RBM27: variants seen among roughly 807,000 people sequenced by gnomAD.
RBM27 encodes the protein RNA binding motif protein 27, also known as RNA-binding protein 27.
Under a neutral mutation model 135.3 loss-of-function variants are expected in RBM27, and 22 were observed. The ratio of observed to expected loss-of-function variants is 0.16; its 90% CI spans 0.12 to 0.23. RBM27 has a LOEUF of 0.23. Among genes scored for constraint, RBM27 ranks in the 10% least tolerant of loss-of-function variants. The pLI, the probability that RBM27 is intolerant of heterozygous loss-of-function variation, is 1.00. For missense variants in RBM27, 1,009 were observed against 1,281.0 expected (o/e 0.79, Z 3.24); for synonymous variants, 481 against 442.4 (o/e 1.09, Z -1.10).
rs897521056 is a variant in RBM27 at position 146,289,124 on chromosome 5, C to T, written c.*3094C>T. 6.7e-6 allele frequency: 1 copy of T among 148,886 alleles called. No homozygotes were observed. Among genetic ancestry groups the T allele is most frequent in the African/African-American group, 2.5e-5 (1 of 40,330 alleles). 9.2% of individuals were successfully genotyped at this position (148,886 alleles called of 1,614,324 possible). On this transcript the variant is annotated 3_prime_UTR_variant, in exon 21 of 21. Transcript: ENST00000265271. Reference sequence around the variant, plus strand: ...AATAAAGATGCAATATGGAATGGTTCACAATTGGAAAAAAAAAAGAAAAAA... The same window carrying T: ...AATAAAGATGCAATATGGAATGGTTTACAATTGGAAAAAAAAAAGAAAAAA...
chr5:146,241,665 G>A (rs761770161), intron 8 of RBM27, among the ~76,000 whole-genome samples: 1 of 152,108 alleles, frequency 6.6e-6, no homozygotes, highest in Non-Finnish European at 1.5e-5. Context: ...CGCCATGCTG[G>A]CCAGGCAGGT....
chr5:146,230,842 TACTATA>T lies in RBM27; in HGVS notation c.778_783del (p.Tyr260_Asn261del), dbSNP rs1400975523. 1 of 1,614,092 alleles carries T rather than the reference TACTATA, an allele frequency of 6.2e-7. No individual in the cohort carries two copies. ...AAACACAACTGAGAGTTGGTCTAAT[TACTATA>T]ACAATCATAGCTCTTCCAATTCTTT... is the stretch of plus-strand genomic sequence containing the variant. On this transcript the variant is annotated inframe_deletion, in exon 6 of 21. Coordinates refer to ENST00000265271, the MANE Select transcript of RBM27 (RefSeq NM_018989.2).
chr5:146,243,583 G>A (rs1481280189), intron 8 of RBM27, among the ~76,000 whole-genome samples: 2 of 152,104 alleles, frequency 1.3e-5, no homozygotes, highest in Admixed American at 6.6e-5. Flanking sequence ...TTTTGGATAT[G>A]GGATACTCAA....
At chr5:146,206,773 G>A (rs148872146) in intron 1 of RBM27, among the ~76,000 whole-genome samples, 4 of 152,030 alleles carry the variant, frequency 2.6e-5, no homozygotes, top group African/African-American at 7.2e-5. Flanking sequence ...GTAGAGACGG[G>A]GGTGTCACTG....
At chr5:146,280,032 A>G (rs1373479204) in intron 19 of RBM27, among the ~76,000 whole-genome samples, 3 of 151,930 alleles carry the variant, frequency 2.0e-5, no homozygotes, top group Non-Finnish European at 2.9e-5. Context: ...TCACATAAAA[A>G]TCTTAGCTAT....
rs559930444 is a variant in RBM27 at position 146,286,513 on chromosome 5, T to C, written c.*483T>C. On this transcript the variant is annotated 3_prime_UTR_variant, in exon 21 of 21. Transcript: ENST00000265271. Reference sequence around the variant, plus strand: ...CAAGAGTGGTCTTGGAAGAAAAATATGTTTATTTTAATTTTAATTTTTTTT... The same window carrying C: ...CAAGAGTGGTCTTGGAAGAAAAATACGTTTATTTTAATTTTAATTTTTTTT... The C allele has an allele frequency of 3.3e-5, 5 of 151,944 alleles. No individual in the cohort carries two copies. The South Asian group carries it at 6.2e-4, about 19-fold the overall frequency. The allele number at this position is 151,944 out of a possible 1,614,324, so 9.4% of individuals were successfully genotyped here.
At chr5:146,209,939 C>T (rs1031661758) in intron 1 of RBM27, among the ~76,000 whole-genome samples, 1 of 152,146 alleles carries the variant, frequency 6.6e-6, no homozygotes, top group African/African-American at 2.4e-5. Flanking sequence ...TGACTTCATC[C>T]TTCCTGGCCC....
intron 5 of RBM27, among the ~76,000 whole-genome samples, 191 bp from the exon 6 acceptor site, chr5:146,230,466 G>A (rs561627265): frequency 2.0e-5 from 3 of 152,098 alleles, no homozygotes; most frequent in African/African-American, 7.2e-5. Context: ...ACAAGTTCTT[G>A]CCCAAGATAT....
At chr5:146,228,393 T>G (rs1333633046) in intron 3 of RBM27, among the ~76,000 whole-genome samples, 1 of 150,896 alleles carries the variant, frequency 6.6e-6, no homozygotes, top group Non-Finnish European at 1.5e-5. Flanking sequence ...ATGATTCTCC[T>G]GCCTCAGCCT....
rs577394913 is a variant in RBM27, at chr5:146,272,226, CTG to C, written c.2988+554_2988+555del. Reference sequence around the variant, plus strand: ...CATGATCTCATTTAATTTTAAATGACTGTATAAATGTGAAATACATGCAAACT... The same window carrying C: ...CATGATCTCATTTAATTTTAAATGACTATAAATGTGAAATACATGCAAACT... On this transcript the variant is annotated intron_variant, in intron 19 of 20. Transcript: ENST00000265271. 4.5e-4 allele frequency among the ~76,000 whole-genome samples: 69 copies of C among 152,244 alleles called. 1 individual carries two copies. Among genetic ancestry groups the C allele is most frequent in the African/African-American group, 1.7e-3 (69 of 41,524 alleles).
chr5:146,265,159 T>C lies in RBM27; in HGVS notation c.2331+1528T>C, dbSNP rs560415611. Among the ~76,000 whole-genome samples the C allele has an allele frequency of 2.6e-5, 4 of 152,296 alleles. No homozygotes were observed. In the South Asian group the frequency reaches 8.3e-4, roughly 32 times the overall value. On this transcript the variant is annotated intron_variant, in intron 14 of 20. Coordinates refer to ENST00000265271, the MANE Select transcript of RBM27 (RefSeq NM_018989.2). ...CATATGTGCAAGGCTAGTAATGATATACTCTTTATAATAACAAAAGACTGG... is the reference window on the plus strand; with the variant it reads ...CATATGTGCAAGGCTAGTAATGATACACTCTTTATAATAACAAAAGACTGG...
rs752849476 is a variant in RBM27 at position 146,269,416 on chromosome 5, G to A, written c.2527-4G>A. ...GGTTTTACCTTTTTCTATTTATTTC[G>A]TAGATGTTAATATCCAAGTTAGAAA... On this transcript the variant is annotated splice_region_variant and splice_polypyrimidine_tract_variant and intron_variant, in intron 16 of 20. Transcript: ENST00000265271. 1.2e-5 allele frequency: 18 copies of A among 1,538,600 alleles called. No homozygotes were observed. Among genetic ancestry groups the A allele is most frequent in the Middle Eastern group, 3.5e-4 (2 of 5,760 alleles).
At position 146,269,309 on chromosome 5, in the gene RBM27, C is replaced by T. The variant is rs191650911; in HGVS notation, c.2526+28C>T. ...AAGACAAGAGCTCATTATTTGCATGCTAGAATTGATGTATAGAATTGATTT... is the reference window on the plus strand; with the variant it reads ...AAGACAAGAGCTCATTATTTGCATGTTAGAATTGATGTATAGAATTGATTT... On this transcript the variant is annotated intron_variant, in intron 16 of 20. Transcript: ENST00000265271. 67 of 1,548,254 alleles carry T rather than the reference C, an allele frequency of 4.3e-5. No homozygotes were observed. In the East Asian group the frequency reaches 1.4e-3, roughly 33 times the overall value.
At chr5:146,215,212 G>C (rs1285195008) in intron 1 of RBM27, among the ~76,000 whole-genome samples, 1 of 152,046 alleles carries the variant, frequency 6.6e-6, no homozygotes, top group African/African-American at 2.4e-5. Flanking sequence ...ACAACACCTG[G>C]CTAATTTCTG....
At position 146,254,897 on chromosome 5, in the gene RBM27, C is replaced by A. The variant is rs762831013; in HGVS notation, c.1445-46C>A. On this transcript the variant is annotated intron_variant, in intron 9 of 20. Coordinates refer to ENST00000265271, the MANE Select transcript of RBM27 (RefSeq NM_018989.2). ...TTTATAACAATGAGAGATGGTTTAA[C>A]CTCTCTCTGATTTGTTGTGTGTTTT... 11 of 1,437,552 alleles carry A rather than the reference C, an allele frequency of 7.7e-6. No homozygotes were observed. The South Asian group carries it at 1.5e-4, about 19-fold the overall frequency. 89.0% of individuals were successfully genotyped at this position (1,437,552 alleles called of 1,614,324 possible).
intron 8 of RBM27, among the ~76,000 whole-genome samples, chr5:146,250,193 C>T (rs1757821309): frequency 1.3e-5 from 2 of 152,002 alleles, no homozygotes; most frequent in African/African-American, 2.4e-5. Context: ...GGTCCGGTGG[C>T]ACTTTGGGAG....
intron 3 of RBM27, among the ~76,000 whole-genome samples, chr5:146,223,779 A>T (rs1177645145): frequency 6.6e-6 from 1 of 152,220 alleles, no homozygotes; most frequent in Non-Finnish European, 1.5e-5. Context: ...TTATCTAGTG[A>T]CTTTTAGAAA....
chr5:146,269,871 C>G (rs1395480086), intron 17 of RBM27, among the ~76,000 whole-genome samples: 1 of 151,600 alleles, frequency 6.6e-6, no homozygotes, highest in Non-Finnish European at 1.5e-5. Flanking sequence ...CTGCACCCGG[C>G]TGCCACAATT....
At chr5:146,272,438 C>T (rs375168826) in intron 19 of RBM27, among the ~76,000 whole-genome samples, 3 of 152,250 alleles carry the variant, frequency 2.0e-5, no homozygotes, top group South Asian at 4.1e-4. Context: ...TTAAAGATGG[C>T]CAGGGACAAT....
Sources: allele counts gnomAD v4.1 joint callset (sites outside exome capture counted in the v4.1 genomes callset), GRCh38; gene constraint gnomAD v4.1.1; transcripts MANE v1.5; gene names NCBI Gene and HGNC (gene_info 2026-07-23, HGNC 2026-07-21).